The following ANXA8 variants were observed in gnomAD, a reference collection of about 807,000 sequenced individuals.
The protein encoded by ANXA8 is annexin A8.
In ANXA8, 9 loss-of-function variants were observed where a neutral mutation model predicts 26.8. That is an observed-to-expected ratio of 0.34 (90% confidence interval 0.20 to 0.59). The LOEUF is 0.59. Among genes scored for constraint, ANXA8 ranks in the 20% least tolerant of loss-of-function variants. The pLI is 0.84. For missense variants in ANXA8, 83 were observed against 238.5 expected, an observed-to-expected ratio of 0.35 and a Z score of 4.29; for synonymous variants, 39 against 94.8, an observed-to-expected ratio of 0.41 and a Z score of 3.42.
the ANXA8 span, among the ~76,000 whole-genome samples, chr10:47,744,605 T>C: frequency 1.3e-5 from 2 of 151,822 alleles, no homozygotes; most frequent in South Asian, 2.1e-4. Flanking sequence ...AATAATTCCA[T>C]ACTAAATATT....
chr10:47,744,418 G>GGGGGTTGGGGGGGGAGGGGGGAAGGGGA, the ANXA8 span, among the ~76,000 whole-genome samples: 1 of 73,580 alleles, frequency 1.4e-5, no homozygotes, highest in African/African-American at 5.1e-5. Flanking sequence ...TGGTGGGGGG[G>GGGGGTTGGGGGGGGAGGGGGGAAGGGGA]GGGTTGGGGG....
chr10:47,701,602 CA>C, the ANXA8 span, among the ~76,000 whole-genome samples: 1 of 151,516 alleles, frequency 6.6e-6, no homozygotes, highest in African/African-American at 2.4e-5. Context: ...ATAAACCCCC[CA>C]AAACTGTATG....
chr10:47,743,378 ATG>A, the ANXA8 span, among the ~76,000 whole-genome samples: 8,385 of 59,748 alleles, frequency 0.14, 198 homozygotes, highest in Middle Eastern at 0.19. Flanking sequence ...ATACATATAT[ATG>A]TGTGTGTGTG....
At chr10:47,703,746 G>C in the ANXA8 span, among the ~76,000 whole-genome samples, 84 of 145,266 alleles carry the variant, frequency 5.8e-4, no homozygotes, top group African/African-American at 7.9e-4. Flanking sequence ...CAGCTTACTA[G>C]AGGGAAAATA....
chr10:47,720,437 G>C, the ANXA8 span, among the ~76,000 whole-genome samples: 1 of 146,968 alleles, frequency 6.8e-6, no homozygotes. Flanking sequence ...CCTCTGAGTT[G>C]TTGTGGAAGC....
At chr10:47,951,182 G>C in the ANXA8 span, among the ~76,000 whole-genome samples, 1 of 149,674 alleles carries the variant, frequency 6.7e-6, no homozygotes, top group Non-Finnish European at 1.5e-5. Flanking sequence ...CAACAAATTT[G>C]ACAACCCAGA....
chr10:47,730,308 GA>G, the ANXA8 span: 1 of 586,366 alleles, frequency 1.7e-6, no homozygotes, highest in Non-Finnish European at 2.9e-6. Flanking sequence ...AGTCAGCGCA[GA>G]ACCTTGTGTA....
the ANXA8 span, among the ~76,000 whole-genome samples, chr10:47,766,908 C>CT: frequency 6.6e-6 from 1 of 151,696 alleles, no homozygotes; most frequent in Admixed American, 6.6e-5. Context: ...TGGGTTCTGT[C>CT]TTTCATGGCC....
At chr10:47,637,319 A>G in the ANXA8 span, among the ~76,000 whole-genome samples, 1 of 147,800 alleles carries the variant, frequency 6.8e-6, no homozygotes, top group East Asian at 1.9e-4. Flanking sequence ...GATGTTAAGT[A>G]TCCAGTCTCG....
chr10:47,698,707 T>G, the ANXA8 span, among the ~76,000 whole-genome samples: 3 of 152,196 alleles, frequency 2.0e-5, no homozygotes, highest in Non-Finnish European at 4.4e-5. Context: ...CCAGGTGTAG[T>G]GGTGCACACC....
the ANXA8 span, among the ~76,000 whole-genome samples, chr10:47,653,737 CG>C: frequency 6.7e-6 from 1 of 149,108 alleles, no homozygotes; most frequent in African/African-American, 2.6e-5. Flanking sequence ...CCTCCGCCTC[CG>C]GGGTCAAGTG....
chr10:47,967,008 T>C, the ANXA8 span, among the ~76,000 whole-genome samples: 8 of 150,086 alleles, frequency 5.3e-5, no homozygotes, highest in East Asian at 1.5e-3. Flanking sequence ...AATGGAGTTA[T>C]CATATTAGAT....
the ANXA8 span, among the ~76,000 whole-genome samples, chr10:47,978,155 G>A: frequency 6.6e-6 from 1 of 152,130 alleles, no homozygotes; most frequent in South Asian, 2.1e-4. Context: ...GAAGGCAATG[G>A]GATAACATAT....
chr10:47,894,773 C>T, the ANXA8 span, among the ~76,000 whole-genome samples: 1 of 152,270 alleles, frequency 6.6e-6, no homozygotes, highest in Non-Finnish European at 1.5e-5. Context: ...ATACACACCA[C>T]ACATCACAGC....
the ANXA8 span, among the ~76,000 whole-genome samples, chr10:47,645,595 T>C: frequency 6.6e-6 from 1 of 151,556 alleles, no homozygotes; most frequent in Non-Finnish European, 1.5e-5. Context: ...CTATTTAAAT[T>C]AACAAAGACG....
chr10:47,685,522 G>T, the ANXA8 span, among the ~76,000 whole-genome samples: 1 of 151,828 alleles, frequency 6.6e-6, no homozygotes, highest in African/African-American at 2.4e-5. Flanking sequence ...GTAGGGCTTT[G>T]AATCTCACCT....
At chr10:47,770,036 C>T in the ANXA8 span, among the ~76,000 whole-genome samples, 1 of 150,274 alleles carries the variant, frequency 6.7e-6, no homozygotes, top group Non-Finnish European at 1.5e-5. Flanking sequence ...AAAGGGATGC[C>T]CACTTTTTTA....
At chr10:47,720,916 G>C in the ANXA8 span, among the ~76,000 whole-genome samples, 1 of 139,960 alleles carries the variant, frequency 7.1e-6, no homozygotes, top group East Asian at 2.8e-4. Flanking sequence ...GGAGGCCGTG[G>C]TGGGGGGATC....
chr10:47,689,851 T>C, the ANXA8 span: 1 of 1,146,898 alleles, frequency 8.7e-7, no homozygotes, highest in Non-Finnish European at 1.3e-6. Flanking sequence ...ACATTCTTTA[T>C]ATCTGAAGGA....
Sources: allele counts gnomAD v4.1 joint callset (sites outside exome capture counted in the v4.1 genomes callset), GRCh38; gene constraint gnomAD v4.1.1; transcripts MANE v1.5; gene names NCBI Gene and HGNC (gene_info 2026-07-23, HGNC 2026-07-21).